Variants in LRRC4C observed in about 807,000 individuals in gnomAD.
LRRC4C encodes the protein leucine rich repeat containing 4C.
A neutral mutation model predicts 33.6 loss-of-function variants in LRRC4C; 5 were observed. The observed-to-expected ratio is 0.15, with a 90% CI of 0.08 to 0.31. LRRC4C has a LOEUF of 0.31. Among genes scored for constraint, LRRC4C ranks in the 10% least tolerant of loss-of-function variants. The pLI is 1.00. For missense variants in LRRC4C, 560 were observed against 796.7 expected (o/e 0.70, Z 3.58); for synonymous variants, 329 against 302.0 (o/e 1.09, Z -0.93).
At chr11:41,265,132 C>T (rs1041703112) in intron 1 of LRRC4C, among the ~76,000 whole-genome samples, 4 of 152,214 alleles carry the variant, frequency 2.6e-5, no homozygotes, top group African/African-American at 9.6e-5. Flanking sequence ...TGTGACTAAA[C>T]ACCTTAAAGT....
chr11:40,711,398 G>T (rs1371281446), intron 2 of LRRC4C, among the ~76,000 whole-genome samples: 1 of 152,130 alleles, frequency 6.6e-6, no homozygotes, highest in Non-Finnish European at 1.5e-5. Context: ...CCCAAAACAG[G>T]AGCTATCTTA....
chr11:40,221,217 A>T (rs748157504), intron 5 of LRRC4C, among the ~76,000 whole-genome samples: 5 of 152,028 alleles, frequency 3.3e-5, no homozygotes, highest in Non-Finnish European at 7.4e-5. Flanking sequence ...TCTCCCCTTA[A>T]CACTACAATA....
intron 3 of LRRC4C, among the ~76,000 whole-genome samples, chr11:40,449,385 C>T (rs1951789725): frequency 6.6e-6 from 1 of 151,676 alleles, no homozygotes. Context: ...ATGAAGACTC[C>T]AGATCCCACG....
At chr11:40,752,046 A>G (rs1290496901) in intron 2 of LRRC4C, among the ~76,000 whole-genome samples, 1 of 152,158 alleles carries the variant, frequency 6.6e-6, no homozygotes, top group East Asian at 1.9e-4. Context: ...TTGGATGTCC[A>G]TGTGCAGAAG....
chr11:41,175,687 A>G (rs1390777050), intron 1 of LRRC4C, among the ~76,000 whole-genome samples: 1 of 152,198 alleles, frequency 6.6e-6, no homozygotes, highest in Non-Finnish European at 1.5e-5. Context: ...TGTGAATGAC[A>G]TAAAGGACTA....
At chr11:40,805,240 T>A (rs78424424) in intron 2 of LRRC4C, among the ~76,000 whole-genome samples, 1 of 152,236 alleles carries the variant, frequency 6.6e-6, no homozygotes, top group East Asian at 1.9e-4. Context: ...AGATTTAGGA[T>A]CCTATGGCAG....
At chr11:40,441,302 G>C (rs184314225) in intron 3 of LRRC4C, among the ~76,000 whole-genome samples, 11 of 152,254 alleles carry the variant, frequency 7.2e-5, no homozygotes, top group Admixed American at 7.2e-4. Flanking sequence ...CTCTGTAGCT[G>C]TTCACAGTCA....
chr11:40,987,475 G>A (rs1393825877), intron 1 of LRRC4C, among the ~76,000 whole-genome samples: 6 of 151,528 alleles, frequency 4.0e-5, no homozygotes, highest in African/African-American at 1.5e-4. Flanking sequence ...TCACTTTTCA[G>A]AAAAACGTGC....
chr11:40,805,842 T>C (rs1414036384), intron 2 of LRRC4C, among the ~76,000 whole-genome samples: 1 of 152,142 alleles, frequency 6.6e-6, no homozygotes, highest in African/African-American at 2.4e-5. Context: ...TCATTCTATT[T>C]ATGTAGGTAT....
chr11:40,776,758 T>G (rs1400527119), intron 2 of LRRC4C, among the ~76,000 whole-genome samples: 2 of 152,154 alleles, frequency 1.3e-5, no homozygotes, highest in Non-Finnish European at 2.9e-5. Flanking sequence ...TTATTTCTTT[T>G]CTTTTCCTAG....
intron 3 of LRRC4C, among the ~76,000 whole-genome samples, chr11:40,489,784 T>C (rs973436649): frequency 3.9e-5 from 6 of 152,164 alleles, no homozygotes; most frequent in Non-Finnish European, 8.8e-5. Context: ...CATTTGAAGA[T>C]GAATGTTAAG....
intron 1 of LRRC4C, among the ~76,000 whole-genome samples, chr11:41,409,275 A>G (rs2138194856): frequency 6.6e-6 from 1 of 152,350 alleles, no homozygotes; most frequent in African/African-American, 2.4e-5. Flanking sequence ...AGTATGGCTT[A>G]CACTCGTCCA....
chr11:40,789,832 A>C (rs12364764), intron 2 of LRRC4C, among the ~76,000 whole-genome samples: 7,878 of 152,298 alleles, frequency 0.052, 214 homozygotes, highest in Middle Eastern at 0.061. Context: ...ATGTTTACCA[A>C]GTGTTACAGC....
At chr11:41,052,967 G>A (rs1858351475) in intron 1 of LRRC4C, among the ~76,000 whole-genome samples, 1 of 151,964 alleles carries the variant, frequency 6.6e-6, no homozygotes, top group Non-Finnish European at 1.5e-5. Flanking sequence ...AGGAACCACT[G>A]GAAATACACA....
intron 3 of LRRC4C, among the ~76,000 whole-genome samples, chr11:40,382,875 A>C (rs1349562917): frequency 6.6e-6 from 1 of 151,554 alleles, no homozygotes; most frequent in African/African-American, 2.4e-5. Context: ...TTGTATTTTT[A>C]GTAGAGAAGG....
chr11:40,791,588 T>C (rs1435941703), intron 2 of LRRC4C, among the ~76,000 whole-genome samples: 5 of 152,204 alleles, frequency 3.3e-5, no homozygotes, highest in Non-Finnish European at 7.4e-5. Flanking sequence ...GGGGTTAGGT[T>C]CTGGTTGAAA....
intron 1 of LRRC4C, among the ~76,000 whole-genome samples, chr11:41,377,206 T>G (rs1353393532): frequency 6.6e-6 from 1 of 152,174 alleles, no homozygotes; most frequent in African/African-American, 2.4e-5. Flanking sequence ...TTTTTCTTCC[T>G]TTCATTCTTG....
chr11:41,094,053 G>A (rs2135563429), intron 1 of LRRC4C, among the ~76,000 whole-genome samples: 1 of 150,860 alleles, frequency 6.6e-6, no homozygotes, highest in East Asian at 2.0e-4. Context: ...AGGTTGCAGT[G>A]AGCGGTGATC....
rs529063343 is a variant in LRRC4C at position 41,108,243 on chromosome 11, A to G, written c.-495-174520T>C. Among the ~76,000 whole-genome samples the G allele has an allele frequency of 2.0e-3, 300 of 152,182 alleles. 6 individuals are homozygous for G. Among genetic ancestry groups the G allele is most frequent in the Middle Eastern group, 0.01 (3 of 294 alleles). ...CTATGTAATAACCATCAGAGCATAC[A>G]TGCAGGCAGATGTCCACACGCCCAT... On this transcript the variant is annotated intron_variant, in intron 1 of 6. Transcript: ENST00000528697.
Sources: allele counts gnomAD v4.1 joint callset (sites outside exome capture counted in the v4.1 genomes callset), GRCh38; gene constraint gnomAD v4.1.1; transcripts MANE v1.5; gene names NCBI Gene and HGNC (gene_info 2026-07-23, HGNC 2026-07-21).